The following GALNT13 variants were observed in gnomAD, a reference collection of about 807,000 sequenced individuals.
The protein encoded by GALNT13 is UDP-GalNAc:polypeptide N-acetylgalactosaminyltransferase 13.
Under a neutral mutation model 64.2 loss-of-function variants are expected in GALNT13, and 28 were observed. The ratio of observed to expected loss-of-function variants is 0.44; its 90% CI spans 0.32 to 0.60. The LOEUF is 0.60. Ranked by LOEUF, GALNT13 falls within the 20% of genes least tolerant of loss-of-function variation. GALNT13 has a pLI of 0.05. For synonymous variants in GALNT13, 214 were observed against 224.6 expected, an observed-to-expected ratio of 0.95 and a Z score of 0.42; for missense variants, 577 against 669.8, an observed-to-expected ratio of 0.86 and a Z score of 1.53.
the GALNT13 span, among the ~76,000 whole-genome samples, chr2:153,599,990 C>A: frequency 6.6e-6 from 1 of 151,962 alleles, no homozygotes; most frequent in Non-Finnish European, 1.5e-5. Flanking sequence ...TGACTTCATG[C>A]AAACATTCAT....
the GALNT13 span, among the ~76,000 whole-genome samples, chr2:153,799,001 T>C: frequency 1.3e-5 from 2 of 152,114 alleles, no homozygotes; most frequent in Non-Finnish European, 2.9e-5. Context: ...AACTGTGTAT[T>C]TGTTTACTAG....
At chr2:153,666,281 G>T in the GALNT13 span, among the ~76,000 whole-genome samples, 1 of 152,040 alleles carries the variant, frequency 6.6e-6, no homozygotes, top group Admixed American at 6.6e-5. Flanking sequence ...CCTACCCCTT[G>T]CCACCACTGG....
At chr2:153,280,655 C>A in the GALNT13 span, among the ~76,000 whole-genome samples, 1 of 152,044 alleles carries the variant, frequency 6.6e-6, no homozygotes, top group Admixed American at 6.6e-5. Context: ...GTTTAATTTT[C>A]ATATAATTGT....
the GALNT13 span, among the ~76,000 whole-genome samples, chr2:153,754,156 G>A: frequency 6.6e-6 from 1 of 152,038 alleles, no homozygotes; most frequent in Non-Finnish European, 1.5e-5. Context: ...ACCAAGTCCT[G>A]GAATCAGAGA....
chr2:153,628,235 G>A, the GALNT13 span, among the ~76,000 whole-genome samples: 1 of 151,600 alleles, frequency 6.6e-6, no homozygotes, highest in Non-Finnish European at 1.5e-5. Flanking sequence ...TCAGCTTAAG[G>A]AGATTTTGGG....
the GALNT13 span, among the ~76,000 whole-genome samples, chr2:153,716,662 T>C: frequency 0.015 from 2,285 of 152,292 alleles, 56 homozygotes; most frequent in African/African-American, 0.052. Context: ...GTCATTCCAA[T>C]GACCACCAAA....
At chr2:153,645,038 T>C in the GALNT13 span, among the ~76,000 whole-genome samples, 1 of 152,168 alleles carries the variant, frequency 6.6e-6, no homozygotes, top group Non-Finnish European at 1.5e-5. Flanking sequence ...GAGAAAACTA[T>C]CTGCATATGG....
chr2:153,995,079 A>G (rs916014256), intron 3 of GALNT13, among the ~76,000 whole-genome samples: 5 of 146,834 alleles, frequency 3.4e-5, no homozygotes, highest in Non-Finnish European at 7.5e-5. Context: ...AAGCTTTCTT[A>G]GATGATTTCA....
At chr2:154,026,902 A>G (rs1033798683) in intron 3 of GALNT13, among the ~76,000 whole-genome samples, 3 of 152,162 alleles carry the variant, frequency 2.0e-5, no homozygotes, top group Non-Finnish European at 4.4e-5. Flanking sequence ...GGTACACCCA[A>G]TCGAGCATCC....
At chr2:153,227,086 A>T in the GALNT13 span, among the ~76,000 whole-genome samples, 1 of 152,328 alleles carries the variant, frequency 6.6e-6, no homozygotes, top group African/African-American at 2.4e-5. Flanking sequence ...ACATCATGTG[A>T]TGGGAAACAA....
At chr2:153,807,743 A>C in the GALNT13 span, among the ~76,000 whole-genome samples, 2 of 152,058 alleles carry the variant, frequency 1.3e-5, no homozygotes, top group African/African-American at 4.8e-5. Flanking sequence ...TGTGTTTGAT[A>C]ATTTCATTAT....
chr2:153,478,339 A>G, the GALNT13 span: 1 of 1,614,146 alleles, frequency 6.2e-7, no homozygotes, highest in Admixed American at 1.7e-5. Flanking sequence ...ATTGCAGCCG[A>G]GGAAGAAGAT....
intron 3 of GALNT13, among the ~76,000 whole-genome samples, chr2:153,958,217 C>A (rs1445841810): frequency 6.6e-6 from 1 of 151,968 alleles, no homozygotes; most frequent in East Asian, 1.9e-4. Flanking sequence ...CTGGTGGGAC[C>A]CCTCCCCAAC....
chr2:153,983,546 C>A (rs1304945508), intron 3 of GALNT13, among the ~76,000 whole-genome samples: 3 of 151,826 alleles, frequency 2.0e-5, no homozygotes, highest in African/African-American at 7.2e-5. Context: ...CTATGACATA[C>A]ACTGAAACGT....
intron 2 of GALNT13, among the ~76,000 whole-genome samples, chr2:153,938,269 C>T (rs1425765195): frequency 1.3e-5 from 2 of 152,092 alleles, no homozygotes; most frequent in Admixed American, 6.6e-5. Flanking sequence ...ATACATTTAA[C>T]ATGGCAGTAT....
chr2:153,521,917 T>C, the GALNT13 span, among the ~76,000 whole-genome samples: 1 of 152,194 alleles, frequency 6.6e-6, no homozygotes, highest in Non-Finnish European at 1.5e-5. Context: ...ATTGTCTGGG[T>C]GTACCACAGT....
chr2:154,384,994 A>T (rs1172484450), intron 9 of GALNT13, among the ~76,000 whole-genome samples: 1 of 151,398 alleles, frequency 6.6e-6, no homozygotes, highest in Middle Eastern at 3.2e-3. Flanking sequence ...ATGGGAAAAC[A>T]TATTTGCACA....
intron 3 of GALNT13, among the ~76,000 whole-genome samples, chr2:154,077,543 T>C (rs532171908): frequency 6.6e-6 from 1 of 151,562 alleles, no homozygotes; most frequent in Non-Finnish European, 1.5e-5. Context: ...ATCTATTGAA[T>C]TGGCAAAGAT....
intron 2 of GALNT13, among the ~76,000 whole-genome samples, chr2:153,943,323 A>G (rs1691473224): frequency 6.6e-6 from 1 of 152,072 alleles, no homozygotes; most frequent in Non-Finnish European, 1.5e-5. Context: ...GATAAATTGG[A>G]TGCGTGCTAT....
Sources: allele counts gnomAD v4.1 joint callset (sites outside exome capture counted in the v4.1 genomes callset), GRCh38; gene constraint gnomAD v4.1.1; transcripts MANE v1.5; gene names NCBI Gene and HGNC (gene_info 2026-07-23, HGNC 2026-07-21).